Variants in NKAIN3 observed in about 807,000 individuals in gnomAD.
NKAIN3 encodes sodium/potassium transporting ATPase interacting 3.
Under a neutral mutation model 30.2 loss-of-function variants are expected in NKAIN3, and 25 were observed. The observed-to-expected ratio is 0.83, with a 90% CI of 0.60 to 1.16. NKAIN3 has a LOEUF of 1.16. Ranked by LOEUF, NKAIN3 falls within the 50% of genes most tolerant of loss-of-function variation. The pLI, the probability that NKAIN3 is intolerant of heterozygous loss-of-function variation, is 0.00. For missense variants in NKAIN3, 225 were observed against 254.1 expected, an observed-to-expected ratio of 0.89 and a Z score of 0.78; for synonymous variants, 91 against 89.6, an observed-to-expected ratio of 1.02 and a Z score of -0.09.
At chr8:62,901,270 CA>C (rs1010372251) in intron 4 of NKAIN3, among the ~76,000 whole-genome samples, 8 of 152,116 alleles carry the variant, frequency 5.3e-5, no homozygotes, top group African/African-American at 1.9e-4. Context: ...CTTGGTTACA[CA>C]ATGGGCTTCA....
At chr8:62,260,517 A>C (rs1812404794) in intron 1 of NKAIN3, among the ~76,000 whole-genome samples, 1 of 152,192 alleles carries the variant, frequency 6.6e-6, no homozygotes, top group South Asian at 2.1e-4. Context: ...GTTCGCTCCA[A>C]AGCAGTTATG....
chr8:62,291,397 A>T lies in NKAIN3; in HGVS notation c.54+42270A>T, dbSNP rs184952536. Among the ~76,000 whole-genome samples, 460 of 152,338 alleles carry T rather than the reference A, an allele frequency of 3.0e-3. 3 individuals carry two copies. Among genetic ancestry groups the T allele is most frequent in the African/African-American group, 0.01 (428 of 41,574 alleles). On this transcript the variant is annotated intron_variant, in intron 1 of 6. Coordinates refer to ENST00000623646, the MANE Select transcript of NKAIN3 (RefSeq NM_001304533.3). ...TTTAGTGCTATAAATTTCCCTCTAT[A>T]GACTGCTTTGAATGTGTCCCAGAGT...
intron 1 of NKAIN3, among the ~76,000 whole-genome samples, chr8:62,415,134 AG>A (rs111457895): frequency 2.7e-4 from 20 of 73,536 alleles, no homozygotes; most frequent in African/African-American, 7.4e-4. Context: ...AATATACTAT[AG>A]TATATATGTA....
intron 1 of NKAIN3, among the ~76,000 whole-genome samples, chr8:62,364,783 C>G (rs920376233): frequency 8.0e-6 from 1 of 124,764 alleles, no homozygotes; most frequent in Non-Finnish European, 1.6e-5. Flanking sequence ...GCTTGCAGAT[C>G]GCGCTACTGC....
chr8:62,738,907 C>T (rs1418211528), intron 3 of NKAIN3, among the ~76,000 whole-genome samples: 3 of 152,184 alleles, frequency 2.0e-5, no homozygotes, highest in Non-Finnish European at 4.4e-5. Flanking sequence ...AAATGTGGCA[C>T]ATATACACCA....
intron 4 of NKAIN3, among the ~76,000 whole-genome samples, chr8:62,874,843 G>A (rs766403492): frequency 5.3e-5 from 8 of 152,056 alleles, no homozygotes; most frequent in Non-Finnish European, 1.0e-4. Context: ...ATTTATGACA[G>A]ACCTACAGCC....
chr8:62,881,506 G>A (rs910684122), intron 4 of NKAIN3, among the ~76,000 whole-genome samples: 1 of 152,166 alleles, frequency 6.6e-6, no homozygotes, highest in Non-Finnish European at 1.5e-5. Context: ...TGTGGTACTA[G>A]CAAAAGAATA....
At chr8:62,431,351 T>A (rs1026327619) in intron 1 of NKAIN3, among the ~76,000 whole-genome samples, 13 of 151,924 alleles carry the variant, frequency 8.6e-5, no homozygotes, top group African/African-American at 3.1e-4. Flanking sequence ...TTCTTTCACT[T>A]ATATTTCTAC....
intron 1 of NKAIN3, among the ~76,000 whole-genome samples, chr8:62,271,212 C>T (rs1812770201): frequency 6.6e-6 from 1 of 152,168 alleles, no homozygotes; most frequent in African/African-American, 2.4e-5. Flanking sequence ...TACTGTGACC[C>T]AAACTTTCAA....
At chr8:62,872,899 C>G (rs1032739105) in intron 4 of NKAIN3, among the ~76,000 whole-genome samples, 3 of 152,148 alleles carry the variant, frequency 2.0e-5, no homozygotes, top group African/African-American at 7.2e-5. Context: ...GTACCAGCCA[C>G]TGCAAAAACA....
At chr8:62,597,751 A>T (rs1421475573) in intron 3 of NKAIN3, among the ~76,000 whole-genome samples, 1 of 151,992 alleles carries the variant, frequency 6.6e-6, no homozygotes, top group African/African-American at 2.4e-5. Flanking sequence ...TATACTTTAT[A>T]ATAGGAATTA....
intron 1 of NKAIN3, among the ~76,000 whole-genome samples, chr8:62,457,829 A>C (rs950174670): frequency 3.3e-5 from 5 of 152,190 alleles, no homozygotes; most frequent in African/African-American, 4.8e-5. Context: ...TTCTTACCAC[A>C]GACATTAGCA....
chr8:62,421,539 G>T (rs1361392785), intron 1 of NKAIN3, among the ~76,000 whole-genome samples: 2 of 151,934 alleles, frequency 1.3e-5, no homozygotes, highest in Admixed American at 1.3e-4. Flanking sequence ...CATCTCCCTG[G>T]GGTGGAACTC....
intron 1 of NKAIN3, among the ~76,000 whole-genome samples, chr8:62,407,437 C>CG (rs546306309): frequency 1.9e-3 from 167 of 89,476 alleles, no homozygotes; most frequent in African/African-American, 7.4e-3. Flanking sequence ...AGTCTCGTGT[C>CG]ACCGGGCTGG....
chr8:62,835,690 A>C (rs1006118413), intron 4 of NKAIN3, among the ~76,000 whole-genome samples: 1 of 152,128 alleles, frequency 6.6e-6, no homozygotes, highest in Admixed American at 6.6e-5. Flanking sequence ...TCAAAAAACA[A>C]CAGATGCTGG....
chr8:62,813,358 A>AT (rs35620594), intron 4 of NKAIN3, among the ~76,000 whole-genome samples: 4 of 151,512 alleles, frequency 2.6e-5, no homozygotes, highest in East Asian at 3.9e-4. Context: ...AAATTTTAGG[A>AT]TTTTTTTTTA....
intron 4 of NKAIN3, among the ~76,000 whole-genome samples, chr8:62,906,148 C>T (rs1821768002): frequency 6.6e-6 from 1 of 152,156 alleles, no homozygotes; most frequent in South Asian, 2.1e-4. Context: ...AGATATGAAA[C>T]TTGTGTTGCC....
intron 1 of NKAIN3, among the ~76,000 whole-genome samples, chr8:62,429,366 A>G (rs552284302): frequency 6.6e-6 from 1 of 152,016 alleles, no homozygotes; most frequent in African/African-American, 2.4e-5. Flanking sequence ...TTGAATGTTC[A>G]TATGGTTTTT....
At chr8:62,536,910 T>G in intron 1 of NKAIN3, among the ~76,000 whole-genome samples, 1 of 152,084 alleles carries the variant, frequency 6.6e-6, no homozygotes, top group Non-Finnish European at 1.5e-5. Context: ...ATCTGTGGAC[T>G]TGGCTCCATA....
Sources: gnomAD v4.1 joint callset for allele counts (sites outside exome capture counted in the v4.1 genomes callset) on GRCh38, gnomAD v4.1.1 for gene constraint, MANE v1.5 for transcripts, NCBI Gene and HGNC (gene_info 2026-07-23, HGNC 2026-07-21) for gene names.